SLC14A2: variants seen among roughly 807,000 people sequenced by gnomAD.
The protein encoded by SLC14A2 is solute carrier family 14 member 2.
SLC14A2 carries 91 observed loss-of-function variants against 104.6 expected under a neutral mutation model. The observed-to-expected ratio is 0.87, with a 90% CI of 0.73 to 1.04. The LOEUF (loss-of-function observed/expected upper bound fraction) is 1.04. Ranked by LOEUF, SLC14A2 falls within the 50% of genes least tolerant of loss-of-function variation. The probability of loss-of-function intolerance (pLI) is 0.00; values close to 1 mark genes in which losing one functional copy is unlikely to be tolerated. For synonymous variants in SLC14A2, 476 were observed against 466.4 expected (o/e 1.02, Z -0.27); for missense variants, 1,189 against 1,156.0 (o/e 1.03, Z -0.41).
chr18:45,681,631 A>T (rs1463037481), intron 19 of SLC14A2, among the ~76,000 whole-genome samples: 1 of 152,152 alleles, frequency 6.6e-6, no homozygotes, highest in Non-Finnish European at 1.5e-5. Context: ...GACAATGATG[A>T]CACATCTTTG....
chr18:45,370,291 A>T (rs2085709550), intron 1 of SLC14A2, among the ~76,000 whole-genome samples: 1 of 152,108 alleles, frequency 6.6e-6, no homozygotes, highest in Non-Finnish European at 1.5e-5. Flanking sequence ...GAGACCCCAG[A>T]AGGAGAATCA....
chr18:45,198,767 CT>C, the SLC14A2 span, among the ~76,000 whole-genome samples: 1 of 152,024 alleles, frequency 6.6e-6, no homozygotes, highest in African/African-American at 2.4e-5. Flanking sequence ...CAAGGAAGAC[CT>C]TAGTATACCT....
chr18:45,384,363 T>C (rs1321331713), intron 1 of SLC14A2, among the ~76,000 whole-genome samples: 2 of 152,188 alleles, frequency 1.3e-5, no homozygotes, highest in African/African-American at 4.8e-5. Flanking sequence ...TGGGAATCCA[T>C]GAACAAATTC....
At chr18:45,253,410 T>C (rs994686309) in intron 1 of SLC14A2, among the ~76,000 whole-genome samples, 6 of 152,022 alleles carry the variant, frequency 3.9e-5, no homozygotes, top group African/African-American at 1.5e-4. Flanking sequence ...GATTTGGGGA[T>C]ATGAGCAGAT....
At chr18:45,671,965 C>A (rs1386868415) in intron 16 of SLC14A2, among the ~76,000 whole-genome samples, 1 of 152,174 alleles carries the variant, frequency 6.6e-6, no homozygotes, top group East Asian at 1.9e-4. Context: ...AGGCACCAGA[C>A]TTTTTCAAGT....
intron 2 of SLC14A2, among the ~76,000 whole-genome samples, chr18:45,497,425 A>AATC (rs2043117968): frequency 6.6e-6 from 1 of 152,200 alleles, no homozygotes; most frequent in South Asian, 2.1e-4. Context: ...ATAGACATAC[A>AATC]ATCTTTCAGG....
upstream of SLC14A2, among the ~76,000 whole-genome samples, chr18:45,208,385 G>T (rs191597415): frequency 6.6e-6 from 1 of 152,136 alleles, no homozygotes; most frequent in South Asian, 2.1e-4. Flanking sequence ...GCTTGCGGAC[G>T]TTCATTTCTG....
At chr18:45,649,639 G>A (rs763166907) in intron 10 of SLC14A2, among the ~76,000 whole-genome samples, 4 of 152,138 alleles carry the variant, frequency 2.6e-5, no homozygotes, top group Non-Finnish European at 5.9e-5. Context: ...AGTAATATAT[G>A]AGAGAATATG....
intron 4 of SLC14A2, among the ~76,000 whole-genome samples, chr18:45,631,861 T>G (rs1213625065): frequency 6.6e-6 from 1 of 152,232 alleles, no homozygotes; most frequent in Non-Finnish European, 1.5e-5. Flanking sequence ...GCAAGTCATC[T>G]TCCCACCTTG....
intron 2 of SLC14A2, among the ~76,000 whole-genome samples, chr18:45,500,096 G>A (rs1266172382): frequency 1.3e-5 from 2 of 152,152 alleles, no homozygotes; most frequent in Non-Finnish European, 2.9e-5. Context: ...GTAATAATTG[G>A]CTACTTATTG....
intron 2 of SLC14A2, among the ~76,000 whole-genome samples, chr18:45,540,546 C>T (rs1470405585): frequency 6.6e-6 from 1 of 152,172 alleles, no homozygotes; most frequent in Non-Finnish European, 1.5e-5. Flanking sequence ...AGTTCAACAC[C>T]GACCTGGCCA....
intron 2 of SLC14A2, among the ~76,000 whole-genome samples, chr18:45,586,265 A>G (rs1341744603): frequency 6.6e-6 from 1 of 152,160 alleles, no homozygotes; most frequent in African/African-American, 2.4e-5. Flanking sequence ...GGCAAGTCCC[A>G]CACCCGGAAA....
rs374900650 is a variant in SLC14A2, at chr18:45,393,182, C to T, written c.-124-90051C>T. ...AAAAAGCTTATCCCAAAGGAGCTTA[C>T]GTTTTATTATCTAAGAGAGATAAAA... On this transcript the variant is annotated intron_variant, in intron 1 of 20. Transcript: ENST00000586448. 6.4e-4 allele frequency among the ~76,000 whole-genome samples: 98 copies of T among 152,092 alleles called. No individual in the cohort carries two copies. The South Asian group carries it at 0.018, about 28-fold the overall frequency.
At chr18:45,312,947 C>T (rs1006171246) in intron 1 of SLC14A2, among the ~76,000 whole-genome samples, 5 of 152,166 alleles carry the variant, frequency 3.3e-5, no homozygotes, top group Non-Finnish European at 4.4e-5. Flanking sequence ...AGCCGGTTGG[C>T]CTCGTCAGTG....
intron 2 of SLC14A2, among the ~76,000 whole-genome samples, chr18:45,588,455 A>T (rs539051851): frequency 6.6e-6 from 1 of 152,356 alleles, no homozygotes; most frequent in South Asian, 2.1e-4. Flanking sequence ...TAATGAAGTC[A>T]TCCCAAAGGA....
At chr18:45,598,778 C>A (rs1426349965) in intron 2 of SLC14A2, among the ~76,000 whole-genome samples, 1 of 152,244 alleles carries the variant, frequency 6.6e-6, no homozygotes, top group East Asian at 1.9e-4. Flanking sequence ...CCAATCAGTC[C>A]CTCCACCACT....
chr18:45,443,147 A>G (rs1240567015), intron 1 of SLC14A2, among the ~76,000 whole-genome samples: 1 of 152,196 alleles, frequency 6.6e-6, no homozygotes, highest in Non-Finnish European at 1.5e-5. Context: ...GGTTCACTGA[A>G]GGGGAAGGGG....
rs369970858 is a variant in SLC14A2 at position 45,644,047 on chromosome 18, C to T, written c.1238C>T (p.Thr413Met). 20 of 1,614,096 alleles carry T rather than the reference C, an allele frequency of 1.2e-5. No individual in the cohort carries two copies. Among genetic ancestry groups the T allele is most frequent in the Admixed American group, 8.3e-5 (5 of 60,008 alleles). ...GCCACCATCATCTTCCTGCTCCTGA[C>T]GACAAACAACCCAGCCATCTTCAGA... ...CLATIIFLLL[T>M]TNNPAIFRLP... Residue 413 changes from threonine (T) to methionine (M), a missense_variant, in exon 10 of 20, where the codon ACG (threonine) becomes ATG (methionine). Physicochemically the swap from Thr to Met is moderately conservative, Grantham distance 81. Transcript: ENST00000255226.
chr18:45,451,287 G>T (rs1001483922), intron 1 of SLC14A2, among the ~76,000 whole-genome samples: 2 of 152,128 alleles, frequency 1.3e-5, no homozygotes, highest in East Asian at 1.9e-4. Context: ...AAGAGAGGGG[G>T]TTCTCGGGGA....
Sources: allele counts gnomAD v4.1 joint callset (sites outside exome capture counted in the v4.1 genomes callset), GRCh38; gene constraint gnomAD v4.1.1; transcripts MANE v1.5; gene names NCBI Gene and HGNC (gene_info 2026-07-23, HGNC 2026-07-21).